NFIL3: variants seen among roughly 807,000 people sequenced by gnomAD.
NFIL3 encodes the protein nuclear factor interleukin-3-regulated protein.
A neutral mutation model predicts 10.0 loss-of-function variants in NFIL3; 5 were observed. The ratio of observed to expected loss-of-function variants is 0.50; its 90% CI spans 0.26 to 1.06. NFIL3 has a LOEUF of 1.06. NFIL3 is among the 50% of genes least tolerant of loss of function. The pLI, the probability that NFIL3 is intolerant of heterozygous loss-of-function variation, is 0.13. For missense variants in NFIL3, 436 were observed against 547.6 expected, an observed-to-expected ratio of 0.80 and a Z score of 2.03; for synonymous variants, 202 against 206.5, an observed-to-expected ratio of 0.98 and a Z score of 0.19.
the NFIL3 span, among the ~76,000 whole-genome samples, chr9:91,466,334 T>C: frequency 6.6e-6 from 1 of 152,138 alleles, no homozygotes; most frequent in Non-Finnish European, 1.5e-5. Context: ...TGAAAAACCA[T>C]GACCAGCTGA....
the NFIL3 span, among the ~76,000 whole-genome samples, chr9:91,452,581 C>A: frequency 0.054 from 8,187 of 152,016 alleles, 280 homozygotes; most frequent in Middle Eastern, 0.11. Flanking sequence ...TCGAGACCAG[C>A]CTGGCTAACA....
chr9:91,409,587 A>C lies in NFIL3; in HGVS notation c.1148T>G (p.Val383Gly). Residue 383 changes from valine to glycine, a missense_variant, in exon 2 of 2, where the codon GTG becomes GGG. Val to Gly is a moderately radical substitution (Grantham distance 109, BLOSUM62 -3). Transcript: ENST00000297689. ...CCAATCTTGAATGTTAGTCACTTGC[A>C]CTGAGAAAGGAGTAAGAGAAGAATG... The part of the protein sequence containing the change: ...MVHSSLTPFS[V>G]QVTNIQDWSL... 6.2e-7 allele frequency: 1 copy of C among 1,614,240 alleles called. No individual in the cohort carries two copies. Among genetic ancestry groups the C allele is most frequent in the Non-Finnish European group, 8.5e-7 (1 of 1,180,044 alleles).
chr9:91,444,282 A>G, the NFIL3 span, among the ~76,000 whole-genome samples: 1 of 152,206 alleles, frequency 6.6e-6, no homozygotes, highest in African/African-American at 2.4e-5. Context: ...GGTTTTAAAA[A>G]AAATGATATC....
intron 1 of NFIL3, among the ~76,000 whole-genome samples, chr9:91,415,841 G>A (rs924393731): frequency 6.6e-6 from 1 of 151,966 alleles, no homozygotes; most frequent in Non-Finnish European, 1.5e-5. Context: ...TGGTCAGGCT[G>A]GTCTTGAACT....
At chr9:91,481,653 G>GT in the NFIL3 span, among the ~76,000 whole-genome samples, 1 of 151,644 alleles carries the variant, frequency 6.6e-6, no homozygotes, top group African/African-American at 2.4e-5. Flanking sequence ...TGCGGTTAAC[G>GT]TTTTTTGTAA....
At chr9:91,422,828 T>C (rs1833794165) in intron 1 of NFIL3, among the ~76,000 whole-genome samples, 1 of 152,216 alleles carries the variant, frequency 6.6e-6, no homozygotes, top group African/African-American at 2.4e-5. Flanking sequence ...CAATTCTTGC[T>C]TTTAGGTTTT....
chr9:91,417,523 T>C (rs1833678969), intron 1 of NFIL3, among the ~76,000 whole-genome samples: 2 of 152,218 alleles, frequency 1.3e-5, no homozygotes, highest in Non-Finnish European at 2.9e-5. Flanking sequence ...AATGCTTTAC[T>C]TCTTTTCATG....
chr9:91,415,938 C>G (rs1046875606), intron 1 of NFIL3, among the ~76,000 whole-genome samples: 3 of 152,190 alleles, frequency 2.0e-5, no homozygotes, highest in Non-Finnish European at 4.4e-5. Flanking sequence ...CTTAACTTCT[C>G]TTAGATGCTG....
the NFIL3 span, among the ~76,000 whole-genome samples, chr9:91,442,114 T>TGATG: frequency 1.3e-5 from 2 of 152,198 alleles, no homozygotes; most frequent in South Asian, 4.1e-4. Context: ...TAAGCATTTG[T>TGATG]CATAAGGCAG....
chr9:91,480,928 C>G, the NFIL3 span, among the ~76,000 whole-genome samples: 5 of 152,294 alleles, frequency 3.3e-5, no homozygotes, highest in East Asian at 7.7e-4. Flanking sequence ...AAGGATGGGA[C>G]AGCTGACAGC....
the NFIL3 span, among the ~76,000 whole-genome samples, chr9:91,446,120 T>C: frequency 1.6e-4 from 24 of 152,290 alleles, no homozygotes; most frequent in Non-Finnish European, 2.8e-4. Flanking sequence ...AGGATCAGAA[T>C]CTGTGAGGAC....
intron 1 of NFIL3, among the ~76,000 whole-genome samples, chr9:91,412,420 T>C (rs1255672318): frequency 6.6e-6 from 1 of 152,198 alleles, no homozygotes; most frequent in South Asian, 2.1e-4. Context: ...GCTTTTGAAT[T>C]TAACTGTGTT....
At chr9:91,421,795 A>G (rs1833775065) in intron 1 of NFIL3, among the ~76,000 whole-genome samples, 1 of 152,184 alleles carries the variant, frequency 6.6e-6, no homozygotes, top group African/African-American at 2.4e-5. Flanking sequence ...TGTTCCAGAG[A>G]CGTCCACCCC....
chr9:91,450,781 G>C, the NFIL3 span, among the ~76,000 whole-genome samples: 1 of 152,080 alleles, frequency 6.6e-6, no homozygotes, highest in Admixed American at 6.6e-5. Context: ...TAAATGTTCT[G>C]TTCATTATTG....
the NFIL3 span, among the ~76,000 whole-genome samples, chr9:91,452,246 C>T: frequency 6.6e-6 from 1 of 152,228 alleles, no homozygotes; most frequent in Admixed American, 6.5e-5. Flanking sequence ...GAAGCTTCAT[C>T]TGCATAATAA....
chr9:91,457,931 A>C, the NFIL3 span, among the ~76,000 whole-genome samples: 1 of 151,832 alleles, frequency 6.6e-6, no homozygotes, highest in African/African-American at 2.4e-5. Context: ...ATGATCATAC[A>C]GTTTTTTTCT....
intron 1 of NFIL3, among the ~76,000 whole-genome samples, chr9:91,420,534 G>C (rs959109365): frequency 2.6e-5 from 4 of 152,088 alleles, no homozygotes; most frequent in African/African-American, 9.7e-5. Context: ...CTGGGGCCTG[G>C]GACCCAGGGT....
chr9:91,466,320 C>A, the NFIL3 span, among the ~76,000 whole-genome samples: 1 of 152,050 alleles, frequency 6.6e-6, no homozygotes, highest in Non-Finnish European at 1.5e-5. Flanking sequence ...GTCACTCTAC[C>A]AGGTGAAAAA....
At chr9:91,446,107 A>C in the NFIL3 span, among the ~76,000 whole-genome samples, 1 of 152,096 alleles carries the variant, frequency 6.6e-6, no homozygotes, top group Non-Finnish European at 1.5e-5. Context: ...AGCTCCCTTA[A>C]CTAGGATCAG....
Sources: allele counts gnomAD v4.1 joint callset (sites outside exome capture counted in the v4.1 genomes callset), GRCh38; gene constraint gnomAD v4.1.1; transcripts MANE v1.5; gene names NCBI Gene and HGNC (gene_info 2026-07-23, HGNC 2026-07-21).